The following GSDME variants were observed in gnomAD, a reference collection of about 807,000 sequenced individuals.
GSDME encodes the protein gasdermin E.
A neutral mutation model predicts 47.5 loss-of-function variants in GSDME; 44 were observed. The observed-to-expected ratio is 0.93, with a 90% CI of 0.73 to 1.19. The LOEUF is 1.19. GSDME is among the 50% of genes most tolerant of loss of function. The probability of loss-of-function intolerance (pLI) is 0.00; values close to 1 mark genes in which losing one functional copy is unlikely to be tolerated. For missense variants in GSDME, 663 were observed against 604.2 expected (o/e 1.10, Z -1.02); for synonymous variants, 258 against 252.8 (o/e 1.02, Z -0.20).
At chr7:24,737,085 C>A (rs1046451436) in intron 3 of GSDME, among the ~76,000 whole-genome samples, 1 of 151,924 alleles carries the variant, frequency 6.6e-6, no homozygotes, top group African/African-American at 2.4e-5. Flanking sequence ...TCTAACAATG[C>A]ATCTTAAAGA....
rs941264437 is a variant in GSDME, at chr7:24,714,540, T to G, written c.697+2714A>C. The stretch of plus-strand genomic sequence containing the variant: ...AGGAAGGAGCCACGGAGCTGCCTCC[T>G]AGGCCAGGATCCAGAACGAGCCAAG... On this transcript the variant is annotated intron_variant, in intron 5 of 9. Transcript: ENST00000645220. This position sits in a 1 kb window ranked among gnomAD's most constrained non-coding sequence, Gnocchi z 5.0. Among the ~76,000 whole-genome samples the G allele has an allele frequency of 6.6e-6, 1 of 151,928 alleles. No individual in the cohort carries two copies. Among genetic ancestry groups the G allele is most frequent in the African/African-American group, 2.4e-5 (1 of 41,358 alleles).
the GSDME span, among the ~76,000 whole-genome samples, chr7:24,783,503 T>C: frequency 6.6e-6 from 1 of 152,150 alleles, no homozygotes. Flanking sequence ...GATTCAAATG[T>C]GATTTCTCTC....
chr7:24,728,012 A>AG lies in GSDME; in HGVS notation c.405-8795dup, dbSNP rs1319289646. On this transcript the variant is annotated intron_variant, in intron 3 of 9. Transcript: ENST00000645220. The surrounding 1 kb of genome is among the most constrained non-coding windows in gnomAD (Gnocchi z 7.2). Reference sequence around the variant, plus strand: ...CCGTCCCCAGCACTGTTCGGGAGCTAGGGGGGCTGTAACGGGAGGAAGAGA... The same window carrying AG: ...CCGTCCCCAGCACTGTTCGGGAGCTAGGGGGGGCTGTAACGGGAGGAAGAGA... 5.3e-5 allele frequency among the ~76,000 whole-genome samples: 8 copies of AG among 152,118 alleles called. No homozygotes were observed. Among genetic ancestry groups the AG allele is most frequent in the Non-Finnish European group, 1.2e-4 (8 of 68,012 alleles).
chr7:24,762,430 T>C (rs1791180915), upstream of GSDME, among the ~76,000 whole-genome samples: 1 of 152,180 alleles, frequency 6.6e-6, no homozygotes, highest in Non-Finnish European at 1.5e-5. Context: ...TTCAAAATAA[T>C]ATGATCCAGA....
chr7:24,730,685 C>T (rs906626325), intron 3 of GSDME, among the ~76,000 whole-genome samples: 1 of 151,988 alleles, frequency 6.6e-6, no homozygotes, highest in African/African-American at 2.4e-5. Context: ...CGTGGTGGCA[C>T]GCACCTGTAG....
intron 3 of GSDME, among the ~76,000 whole-genome samples, chr7:24,731,532 GCT>G (rs1790145567): frequency 1.3e-5 from 2 of 152,356 alleles, no homozygotes; most frequent in African/African-American, 2.4e-5. Flanking sequence ...CCTTCCTGCA[GCT>G]CTGTGGCTCC....
the GSDME span, among the ~76,000 whole-genome samples, chr7:24,787,170 G>T: frequency 1.6e-4 from 24 of 152,250 alleles, no homozygotes; most frequent in East Asian, 4.4e-3. The surrounding 1 kb of genome is among the most constrained non-coding windows in gnomAD (Gnocchi z 5.0). Flanking sequence ...ACCTAAGTTG[G>T]GCAGCAGCGT....
the GSDME span, among the ~76,000 whole-genome samples, chr7:24,778,086 GGA>G: frequency 2.5e-4 from 38 of 149,500 alleles, no homozygotes; most frequent in Admixed American, 1.7e-3. This position sits in a 1 kb window ranked among gnomAD's most constrained non-coding sequence, Gnocchi z 5.6. Context: ...GGTGGGGGAG[GGA>G]GAGAGAGAGA....
the GSDME span, among the ~76,000 whole-genome samples, chr7:24,765,341 C>T: frequency 0.13 from 19,343 of 152,182 alleles, 1,360 homozygotes; most frequent in East Asian, 0.2. Context: ...TCCACAACTT[C>T]GCTATTTTTA....
chr7:24,745,270 A>G lies in GSDME; in HGVS notation c.212-516T>C, dbSNP rs553593120. Among the ~76,000 whole-genome samples, 195 of 152,344 alleles carry G rather than the reference A, an allele frequency of 1.3e-3. No homozygotes were observed. Among genetic ancestry groups the G allele is most frequent in the African/African-American group, 4.3e-3 (177 of 41,580 alleles). On this transcript the variant is annotated intron_variant, in intron 2 of 9. Transcript: ENST00000645220. The surrounding 1 kb of genome is among the most constrained non-coding windows in gnomAD (Gnocchi z 4.4). ...GACAACTAAACAGAGAGAGAACAGC[A>G]GCCCCTATTCTGGATGCACCGCGAG... is the stretch of plus-strand genomic sequence containing the variant.
Position 24,749,587 on chromosome 7 carries a change from A to G in GSDME, c.188T>C (p.Ile63Thr), listed in dbSNP as rs761407115. ...FLSLTLGDVL[I>T]EDQFPSPVVV... ...ACCTGGACTCGGAAATTGGTCTTCT[A>G]TGAGTACATCGCCAAGGGTGAGGGA... is the stretch of plus-strand genomic sequence containing the variant. The change falls in exon 2 of 10, where the codon ATA becomes ACA. Residue 63 changes from isoleucine (I) to threonine (T), a missense_variant. Coordinates refer to ENST00000645220, the MANE Select transcript of GSDME (RefSeq NM_001127453.2). 3 of 1,613,576 alleles carry G rather than the reference A, an allele frequency of 1.9e-6. No individual in the cohort carries two copies. The highest frequency in any genetic ancestry group is 1.3e-5 in the African/African-American group (1 of 74,786).
upstream of GSDME, chr7:24,758,145 T>C (rs2237326): frequency 0.089 from 13,494 of 152,298 alleles, 760 homozygotes; most frequent in Non-Finnish European, 0.12. The surrounding 1 kb of genome is among the most constrained non-coding windows in gnomAD (Gnocchi z 4.6). Context: ...GCTCTTTTTG[T>C]AACATTAGGA....
the GSDME span, among the ~76,000 whole-genome samples, chr7:24,783,706 C>T: frequency 6.6e-6 from 1 of 151,806 alleles, no homozygotes; most frequent in Non-Finnish European, 1.5e-5. Context: ...TGACCTGAGG[C>T]AGGGGTTCTG....
the GSDME span, among the ~76,000 whole-genome samples, chr7:24,792,993 T>C: frequency 2.0e-5 from 3 of 152,332 alleles, no homozygotes; most frequent in Admixed American, 2.0e-4. Flanking sequence ...GCAGATTTTA[T>C]AGTACCTTGG....
intron 9 of GSDME, among the ~76,000 whole-genome samples, chr7:24,700,286 ATTC>A (rs1788812114): frequency 1.3e-5 from 2 of 152,158 alleles, no homozygotes; most frequent in South Asian, 4.1e-4. Flanking sequence ...TGCTGCTCTA[ATTC>A]CACTGCTCAA....
chr7:24,746,832 C>G (rs1018110035), intron 2 of GSDME, among the ~76,000 whole-genome samples: 1 of 152,232 alleles, frequency 6.6e-6, no homozygotes, highest in African/African-American at 2.4e-5. Flanking sequence ...CAACACCAGT[C>G]ACCACCCTAC....
chr7:24,698,626 T>A lies in GSDME; in HGVS notation c.*400A>T, dbSNP rs1235080488. 1 of 291,784 alleles carries A rather than the reference T, an allele frequency of 3.4e-6. No individual in the cohort carries two copies. The highest frequency in any genetic ancestry group is 2.2e-5 in the African/African-American group (1 of 45,534). 18.1% of individuals were successfully genotyped at this position (291,784 alleles called of 1,614,324 possible). On this transcript the variant is annotated 3_prime_UTR_variant, in exon 10 of 10. Transcript: ENST00000645220. The stretch of plus-strand genomic sequence containing the variant: ...CGTAGCCTCTTGTGTGCAGAGAAAT[T>A]GCCTTCCCACAGCATTCACAATGTA...
chr7:24,768,076 C>G, the GSDME span, among the ~76,000 whole-genome samples: 1 of 152,186 alleles, frequency 6.6e-6, no homozygotes, highest in African/African-American at 2.4e-5. This position sits in a 1 kb window ranked among gnomAD's most constrained non-coding sequence, Gnocchi z 5.6. Flanking sequence ...CAAGGCTGCC[C>G]CCAGCTGGTT....
rs1562699433 is a variant in GSDME, at chr7:24,721,833, CCT to C, written c.405-2617_405-2616del. Among the ~76,000 whole-genome samples the C allele has an allele frequency of 6.6e-6, 1 of 152,200 alleles. No homozygotes were observed. The highest frequency in any genetic ancestry group is 2.4e-5 in the African/African-American group (1 of 41,442). ...AGGCCCCATGTGATCTGCCCTGCCCCCTGTTGACTTTATCTTCCAGCCTTCTT... is the reference window on the plus strand; with the variant it reads ...AGGCCCCATGTGATCTGCCCTGCCCCGTTGACTTTATCTTCCAGCCTTCTT... On this transcript the variant is annotated intron_variant, in intron 3 of 9. Coordinates refer to ENST00000645220, the MANE Select transcript of GSDME (RefSeq NM_001127453.2). This position sits in a 1 kb window ranked among gnomAD's most constrained non-coding sequence, Gnocchi z 4.1.
Sources: gnomAD v4.1 joint callset for allele counts (sites outside exome capture counted in the v4.1 genomes callset) on GRCh38, gnomAD v4.1.1 for gene constraint, Gnocchi (gnomAD v3.1) non-coding constraint, MANE v1.5 for transcripts, NCBI Gene and HGNC (gene_info 2026-07-23, HGNC 2026-07-21) for gene names.